ST7: variants seen among roughly 807,000 people sequenced by gnomAD.
ST7 encodes the protein suppressor of tumorigenicity 7 protein.
ST7 carries 28 observed loss-of-function variants against 78.7 expected under a neutral mutation model. The observed-to-expected ratio is 0.36, with a 90% confidence interval of 0.26 to 0.49. The LOEUF is 0.49. Among genes scored for constraint, ST7 ranks in the 20% least tolerant of loss-of-function variants. The pLI, the probability that ST7 is intolerant of heterozygous loss-of-function variation, is 0.99. For synonymous variants in ST7, 247 were observed against 249.6 expected (o/e 0.99, Z 0.10); for missense variants, 418 against 696.0 (o/e 0.60, Z 4.49).
rs568374177 is a variant in ST7 at position 117,103,583 on chromosome 7, A to G, written c.234+3739A>G. Among the ~76,000 whole-genome samples, 11 of 152,178 alleles carry G rather than the reference A, an allele frequency of 7.2e-5. No homozygotes were observed. The East Asian group carries it at 1.9e-3, about 27-fold the overall frequency. ...TGAAGCTGGACCTCTATCTCTCACC[A>G]TATGCAAAATCAAATCAAAATGGAT... On this transcript the variant is annotated intron_variant, in intron 2 of 15. Coordinates refer to ENST00000323984, the MANE Select transcript of ST7 (RefSeq NM_001369598.1).
At chr7:117,142,812 G>A (rs763237840) in intron 9 of ST7, among the ~76,000 whole-genome samples, 2 of 152,028 alleles carry the variant, frequency 1.3e-5, no homozygotes, top group Non-Finnish European at 2.9e-5. Flanking sequence ...GGGTTTCACC[G>A]TGTTGGCCAG....
At chr7:117,221,038 T>C (rs1793048217) in intron 14 of ST7, among the ~76,000 whole-genome samples, 1 of 151,934 alleles carries the variant, frequency 6.6e-6, no homozygotes, top group African/African-American at 2.4e-5. Flanking sequence ...TCACAGCCTC[T>C]CCCCCAGCAC....
At position 117,032,015 on chromosome 7, in the gene ST7, G is replaced by A. The variant is rs558384670; in HGVS notation, c.152-67747G>A. ...TCCTGCCTCAGCCTCCTGAGTAGCTGGGATTACAGGCAAATGCCACCACGT... is the reference window on the plus strand; with the variant it reads ...TCCTGCCTCAGCCTCCTGAGTAGCTAGGATTACAGGCAAATGCCACCACGT... On this transcript the variant is annotated intron_variant, in intron 1 of 15. Transcript: ENST00000323984. 3.3e-5 allele frequency among the ~76,000 whole-genome samples: 5 copies of A among 151,426 alleles called. No individual in the cohort carries two copies. In the South Asian group the frequency reaches 6.3e-4, roughly 19 times the overall value.
chr7:117,001,018 C>T (rs1794909656), intron 1 of ST7, among the ~76,000 whole-genome samples: 1 of 152,192 alleles, frequency 6.6e-6, no homozygotes, highest in Admixed American at 6.5e-5. Flanking sequence ...GCTTTTTGAG[C>T]ACCAGACAAT....
intron 1 of ST7, among the ~76,000 whole-genome samples, chr7:117,070,061 C>G (rs1455520105): frequency 6.6e-6 from 1 of 152,160 alleles, no homozygotes; most frequent in Non-Finnish European, 1.5e-5. Flanking sequence ...GTTATATGTA[C>G]CTGCTTTGGA....
At chr7:117,085,867 A>C (rs1800104013) in intron 1 of ST7, among the ~76,000 whole-genome samples, 1 of 152,192 alleles carries the variant, frequency 6.6e-6, no homozygotes, top group African/African-American at 2.4e-5. Flanking sequence ...AGCTTTTATA[A>C]ATTAGTGCCA....
intron 12 of ST7, among the ~76,000 whole-genome samples, chr7:117,206,959 G>A (rs1282452141): frequency 2.0e-5 from 3 of 152,158 alleles, no homozygotes; most frequent in African/African-American, 7.2e-5. Flanking sequence ...TATGGCTAGT[G>A]AGATGGAGGA....
chr7:117,125,764 TAA>T (rs1439760613), intron 3 of ST7, among the ~76,000 whole-genome samples: 2 of 152,204 alleles, frequency 1.3e-5, no homozygotes, highest in South Asian at 4.1e-4. Flanking sequence ...CTAAAGTGTT[TAA>T]AAGTGTTAAA....
intron 1 of ST7, among the ~76,000 whole-genome samples, chr7:117,028,725 T>C (rs1426472463): frequency 6.6e-6 from 1 of 152,220 alleles, no homozygotes; most frequent in East Asian, 1.9e-4. Context: ...CTGGACTCCA[T>C]TGGTGGTTCT....
intron 12 of ST7, among the ~76,000 whole-genome samples, chr7:117,200,477 G>T (rs1810718567): frequency 6.6e-6 from 1 of 152,142 alleles, no homozygotes. Context: ...AAAAAATAAA[G>T]AAAAATTGCC....
chr7:117,172,760 A>G (rs1003941884), intron 10 of ST7, among the ~76,000 whole-genome samples: 2 of 152,232 alleles, frequency 1.3e-5, no homozygotes, highest in African/African-American at 4.8e-5. Flanking sequence ...GCCACTCTGT[A>G]GCCATCAATG....
chr7:117,026,799 G>A (rs990227520), intron 1 of ST7, among the ~76,000 whole-genome samples: 3 of 152,212 alleles, frequency 2.0e-5, no homozygotes, highest in African/African-American at 7.2e-5. Context: ...GGGTGTTTGT[G>A]GAGAGAGAGT....
At chr7:117,198,514 A>G (rs1320748546) in intron 12 of ST7, 5 of 303,534 alleles carry the variant, frequency 1.6e-5, no homozygotes, top group Non-Finnish European at 3.3e-5. Context: ...TATTGTCTTC[A>G]GGGATTCTGC....
intron 10 of ST7, among the ~76,000 whole-genome samples, chr7:117,173,851 CA>C (rs1347929513): frequency 6.6e-6 from 1 of 151,978 alleles, no homozygotes; most frequent in Non-Finnish European, 1.5e-5. Context: ...GCTGGGAACA[CA>C]ATGGGATTAG....
chr7:117,222,943 T>TC lies in ST7; in HGVS notation c.1638+884dup. On this transcript the variant is annotated intron_variant, in intron 15 of 15. Coordinates refer to ENST00000323984, the MANE Select transcript of ST7 (RefSeq NM_001369598.1). The stretch of plus-strand genomic sequence containing the variant: ...ATGCGTGTTGAAGATGAACTGGAAA[T>TC]CCCTCCGGCACCTCAATCTCAACAT... The TC allele has an allele frequency of 2.5e-6, 4 of 1,613,984 alleles. No individual in the cohort carries two copies. The Admixed American group carries it at 6.7e-5, about 27-fold the overall frequency.
rs553758764 is a variant in ST7 at position 117,193,315 on chromosome 7, TC to T, written c.1254+2380del. 2.6e-5 allele frequency among the ~76,000 whole-genome samples: 4 copies of T among 152,292 alleles called. No individual in the cohort carries two copies. In the East Asian group the frequency reaches 7.7e-4, roughly 29 times the overall value. The stretch of plus-strand genomic sequence containing the variant: ...CACCTTCCCATCCTAACCTTGACTC[TC>T]TCCTTATAATGATACTGTGATAACC... On this transcript the variant is annotated intron_variant, in intron 12 of 15. Coordinates refer to ENST00000323984, the MANE Select transcript of ST7 (RefSeq NM_001369598.1).
chr7:117,132,053 C>A, intron 6 of ST7, 93 bp downstream of exon 6: 2 of 1,226,080 alleles, frequency 1.6e-6, no homozygotes, highest in Non-Finnish European at 2.3e-6. Flanking sequence ...AATTAAACTG[C>A]ATTTGAACTG....
rs1031435745 is a variant in ST7, at chr7:117,133,283, A to G, written c.642-841A>G. 8.6e-5 allele frequency among the ~76,000 whole-genome samples: 13 copies of G among 151,972 alleles called. 1 individual carries two copies. The South Asian group carries it at 1.2e-3, about 15-fold the overall frequency. On this transcript the variant is annotated intron_variant, in intron 6 of 15. Transcript: ENST00000323984. ...CCTCTCCATTCTTTGTGATTCCTCA[A>G]CTATCCACAGAGAGCAATTCCATGG...
chr7:117,089,270 T>A lies in ST7; in HGVS notation c.152-10492T>A, dbSNP rs559505173. Among the ~76,000 whole-genome samples the A allele has an allele frequency of 2.4e-4, 37 of 152,378 alleles. No individual in the cohort carries two copies. The South Asian group carries it at 7.0e-3, about 29-fold the overall frequency. On this transcript the variant is annotated intron_variant, in intron 1 of 15. Coordinates refer to ENST00000323984, the MANE Select transcript of ST7 (RefSeq NM_001369598.1). ...GAACTATGTATATATCATATATCTT[T>A]GTATCACCAGTGTTTTACATAGTAC...
Sources: gnomAD v4.1 joint callset for allele counts (sites outside exome capture counted in the v4.1 genomes callset) on GRCh38, gnomAD v4.1.1 for gene constraint, MANE v1.5 for transcripts, NCBI Gene and HGNC (gene_info 2026-07-23, HGNC 2026-07-21) for gene names.